Variants in ASB14 observed in about 807,000 individuals in gnomAD.
The protein encoded by ASB14 is ankyrin repeat and SOCS box containing 14, also known as ankyrin repeat and SOCS box protein 14.
A neutral mutation model predicts 55.6 loss-of-function variants in ASB14; 63 were observed. The ratio of observed to expected loss-of-function variants is 1.13; its 90% CI spans 0.92 to 1.40. The LOEUF (loss-of-function observed/expected upper bound fraction) is 1.40, where lower values mean the gene tolerates loss of function less well. ASB14 is among the 40% of genes most tolerant of loss of function. ASB14 has a pLI of 0.00. For synonymous variants in ASB14, 256 were observed against 259.9 expected, an observed-to-expected ratio of 0.98 and a Z score of 0.15; for missense variants, 724 against 710.4, an observed-to-expected ratio of 1.02 and a Z score of -0.22.
chr3:57,279,335 C>T (rs566656716), intron 7 of ASB14, among the ~76,000 whole-genome samples: 36 of 132,146 alleles, frequency 2.7e-4, no homozygotes, highest in Admixed American at 8.6e-4. Flanking sequence ...AGTGCAGTGG[C>T]GCAATCTTGG....
Position 57,274,021 on chromosome 3 carries a change from C to A in ASB14, c.*22+2507G>T, listed in dbSNP as rs533860826. ...ATATTTCTATATTGAAAGATATAAT[C>A]TACCACTCACTTACCAGTTTGATTT... On this transcript the variant is annotated intron_variant, in intron 10 of 10. Coordinates refer to ENST00000487349, the MANE Select transcript of ASB14 (RefSeq NM_001142733.3). Among the ~76,000 whole-genome samples the A allele has an allele frequency of 5.9e-5, 9 of 151,956 alleles. 1 individual carries two copies. In the South Asian group the frequency reaches 1.7e-3, roughly 28 times the overall value.
intron 5 of ASB14, among the ~76,000 whole-genome samples, chr3:57,286,610 C>A (rs1424321396): frequency 6.6e-6 from 1 of 152,172 alleles, no homozygotes; most frequent in Non-Finnish European, 1.5e-5. Flanking sequence ...GGTGCTGAAT[C>A]AGTATGAATT....
chr3:57,278,678 C>T lies in ASB14; in HGVS notation c.1130G>A (p.Ser377Asn), dbSNP rs761441162. The T allele has an allele frequency of 5.0e-6, 8 of 1,614,190 alleles. No homozygotes were observed. The highest frequency in any genetic ancestry group is 5.9e-6 in the Non-Finnish European group (7 of 1,180,044). ...GTCTTGATTAGGCAGAGCTCCAGCA[C>T]TCAGAAGCAGCTTGACTGAAGAGAG... is the stretch of plus-strand genomic sequence containing the variant. The part of the protein sequence containing the change: ...SDLSSVKLLL[S>N]AGALPNQDPV... The change falls in exon 8 of 11, where the codon AGT becomes AAT. Residue 377 changes from serine to asparagine, a missense_variant. Physicochemically the swap from Ser to Asn is conservative, Grantham distance 46. Transcript: ENST00000487349.
At chr3:57,269,671 G>A (rs368624059) in intron 10 of ASB14, 53 bp from the exon 11 acceptor site, 1 of 1,613,892 alleles carries the variant, frequency 6.2e-7, no homozygotes, top group African/African-American at 1.3e-5. Context: ...GGAAAGAAGA[G>A]AGAATCAGAA....
rs762743268 is a variant in ASB14 at position 57,276,698 on chromosome 3, C to T, written c.1616G>A (p.Arg539His). The T allele has an allele frequency of 2.7e-5, 44 of 1,613,316 alleles. No homozygotes were observed. The highest frequency in any genetic ancestry group is 5.0e-5 in the Admixed American group (3 of 59,888). The change falls in exon 10 of 11, where the codon CGC becomes CAC. Residue 539 changes from arginine to histidine, a missense_variant. Coordinates refer to ENST00000487349, the MANE Select transcript of ASB14 (RefSeq NM_001142733.3). Reference sequence around the variant, plus strand: ...TCCCATGCATTTCCGGATCTTTAGGCGGCACAAATGTTTTAGGGAGCGAGG... The same window carrying T: ...TCCCATGCATTTCCGGATCTTTAGGTGGCACAAATGTTTTAGGGAGCGAGG... ...TNPRSLKHLC[R>H]LKIRKCMGRL... is the part of the protein sequence containing the mutation.
rs554002613 is a variant in ASB14 at position 57,282,203 on chromosome 3, GA to G, written c.715+990del. Among the ~76,000 whole-genome samples, 288 of 152,206 alleles carry G rather than the reference GA, an allele frequency of 1.9e-3. 2 individuals are homozygous for G. The highest frequency in any genetic ancestry group is 6.8e-3 in the African/African-American group (284 of 41,534). Reference sequence around the variant, plus strand: ...GCAACTAGCCTCCCCTATATGACAGGAAAGATTTAGATAATGTCTAAAAAGC... The same window carrying G: ...GCAACTAGCCTCCCCTATATGACAGGAAGATTTAGATAATGTCTAAAAAGC... On this transcript the variant is annotated intron_variant, in intron 6 of 10. Coordinates refer to ENST00000487349, the MANE Select transcript of ASB14 (RefSeq NM_001142733.3).
intron 10 of ASB14, among the ~76,000 whole-genome samples, chr3:57,274,480 C>T (rs903090216): frequency 1.3e-5 from 2 of 152,012 alleles, no homozygotes; most frequent in East Asian, 1.9e-4. Context: ...GTCAGGAGGT[C>T]GAGACAGCCT....
At chr3:57,274,653 C>T (rs2060972260) in intron 10 of ASB14, among the ~76,000 whole-genome samples, 1 of 152,140 alleles carries the variant, frequency 6.6e-6, no homozygotes, top group Non-Finnish European at 1.5e-5. Context: ...CACCACCACA[C>T]TCCAGCCTGG....
chr3:57,288,918 A>T lies in ASB14; in HGVS notation c.178+150T>A, dbSNP rs756708053. 5.0e-4 allele frequency: 260 copies of T among 524,372 alleles called. 1 individual carries two copies. The highest frequency in any genetic ancestry group is 1.1e-3 in the Admixed American group (29 of 27,216). 32.5% of individuals were successfully genotyped at this position (524,372 alleles called of 1,614,324 possible). A position where few individuals can be genotyped will look rare whatever the true frequency, so the allele number is the denominator to read the frequency against. On this transcript the variant is annotated intron_variant, in intron 3 of 10. Transcript: ENST00000487349. ...TTTAGTAGAGACAGGGGGTTTCACCATGTTGGCCAGGCTGGTCTCGAACTC... is the reference window on the plus strand; with the variant it reads ...TTTAGTAGAGACAGGGGGTTTCACCTTGTTGGCCAGGCTGGTCTCGAACTC...
chr3:57,280,163 C>CAAAAA lies in ASB14; in HGVS notation c.887+134_887+138dup, dbSNP rs138493152. 557 of 215,410 alleles carry CAAAAA rather than the reference C, an allele frequency of 2.6e-3. 3 individuals carry two copies. The highest frequency in any genetic ancestry group is 7.6e-3 in the South Asian group (73 of 9,544). The allele number at this position is 215,410 out of a possible 1,614,324, so 13.3% of individuals were successfully genotyped here. A position where few individuals can be genotyped will look rare whatever the true frequency, so the allele number is the denominator to read the frequency against. On this transcript the variant is annotated intron_variant, in intron 7 of 10. Transcript: ENST00000487349. Reference sequence around the variant, plus strand: ...CTGGCGACAGAGGGAGACAGCATCTCAAAAAAAAAAAAAAAAAAAAAAAGT... The same window carrying CAAAAA: ...CTGGCGACAGAGGGAGACAGCATCTCAAAAAAAAAAAAAAAAAAAAAAAAAAAAGT...
At chr3:57,283,466 T>C (rs1316338378) in intron 5 of ASB14, 27 bp from the exon 6 acceptor site, 3 of 1,545,080 alleles carry the variant, frequency 1.9e-6, no homozygotes, top group Non-Finnish European at 2.6e-6. Flanking sequence ...GTGGTGGGCA[T>C]GTTCAACGGG....
In ASB14 at chr3:57,291,095, G is replaced by A. The variant is rs895791036; in HGVS notation, c.122+817C>T. On this transcript the variant is annotated intron_variant, in intron 2 of 10. Coordinates refer to ENST00000487349, the MANE Select transcript of ASB14 (RefSeq NM_001142733.3). The stretch of plus-strand genomic sequence containing the variant: ...AATGAGAATTAGAATTTAAAAGTTA[G>A]TATTTATGAAGTGCTTAAAATAACA... 2.0e-5 allele frequency among the ~76,000 whole-genome samples: 3 copies of A among 152,256 alleles called. No homozygotes were observed. In the East Asian group the frequency reaches 5.8e-4, roughly 29 times the overall value.
At chr3:57,289,363 T>C (rs553858917) in intron 2 of ASB14, among the ~76,000 whole-genome samples, 2 of 152,326 alleles carry the variant, frequency 1.3e-5, no homozygotes, top group South Asian at 2.1e-4. Context: ...TTAGCTTCTT[T>C]AGGGCAAGGA....
chr3:57,285,994 T>C (rs985423948), intron 5 of ASB14, among the ~76,000 whole-genome samples: 21 of 152,246 alleles, frequency 1.4e-4, no homozygotes, highest in African/African-American at 4.8e-4. Context: ...AAGAAAGTTT[T>C]TGAGATTTCC....
chr3:57,279,038 C>T, intron 7 of ASB14, 118 bp from the exon 8 acceptor site: 1 of 921,214 alleles, frequency 1.1e-6, no homozygotes, highest in Non-Finnish European at 1.6e-6. Flanking sequence ...ATTTAGAACC[C>T]ACAACCAAAA....
At chr3:57,274,970 TC>T (rs2060974995) in intron 10 of ASB14, among the ~76,000 whole-genome samples, 1 of 152,204 alleles carries the variant, frequency 6.6e-6, no homozygotes, top group Admixed American at 6.5e-5. Flanking sequence ...TTACCCTACC[TC>T]TGTACTTGAC....
At chr3:57,279,920 G>C (rs1033735814) in intron 7 of ASB14, among the ~76,000 whole-genome samples, 1 of 151,966 alleles carries the variant, frequency 6.6e-6, no homozygotes, top group Non-Finnish European at 1.5e-5. Context: ...GGGGGTTGGG[G>C]GGGAACCGTG....
intron 5 of ASB14, among the ~76,000 whole-genome samples, chr3:57,284,488 C>G (rs1182113744): frequency 2.0e-5 from 3 of 152,102 alleles, no homozygotes; most frequent in Non-Finnish European, 4.4e-5. Flanking sequence ...ATATTGAAGT[C>G]TCTGAGGAAT....
chr3:57,273,571 C>G (rs1315947741), intron 10 of ASB14: 2 of 152,210 alleles, frequency 1.3e-5, no homozygotes, highest in African/African-American at 4.8e-5. Context: ...TACAGCTAGC[C>G]CAACTATAAT....
Sources: allele counts gnomAD v4.1 joint callset (sites outside exome capture counted in the v4.1 genomes callset), GRCh38; gene constraint gnomAD v4.1.1; transcripts MANE v1.5; gene names NCBI Gene and HGNC (gene_info 2026-07-23, HGNC 2026-07-21).